The following TBCA variants were observed in gnomAD, a reference collection of about 807,000 sequenced individuals.
TBCA encodes the protein tubulin folding cofactor A.
TBCA carries 6 observed loss-of-function variants against 15.8 expected under a neutral mutation model. The ratio of observed to expected loss-of-function variants is 0.38; its 90% confidence interval spans 0.21 to 0.75. The LOEUF (loss-of-function observed/expected upper bound fraction) is 0.75, where lower values mean the gene tolerates loss of function less well. TBCA is among the 30% of genes least tolerant of loss of function. The pLI, the probability that TBCA is intolerant of heterozygous loss-of-function variation, is 0.46. For missense variants in TBCA, 90 were observed against 131.2 expected, an observed-to-expected ratio of 0.69 and a Z score of 1.53; for synonymous variants, 32 against 42.3, an observed-to-expected ratio of 0.76 and a Z score of 0.94.
At chr5:77,712,950 G>C (rs1233365923) in intron 1 of TBCA, among the ~76,000 whole-genome samples, 1 of 152,122 alleles carries the variant, frequency 6.6e-6, no homozygotes, top group East Asian at 1.9e-4. Context: ...CTGTCCAGTA[G>C]TCTTTTTCTC....
At chr5:77,720,418 A>G (rs908682185) in intron 1 of TBCA, among the ~76,000 whole-genome samples, 1 of 152,114 alleles carries the variant, frequency 6.6e-6, no homozygotes, top group African/African-American at 2.4e-5. Flanking sequence ...TTACACTTCT[A>G]AAAAAGCCAA....
In TBCA at chr5:77,751,975, GTGGTACCAAGATCATC is replaced by G. The variant is rs1561280804; in HGVS notation, c.53+24214_53+24229del. Among the ~76,000 whole-genome samples the G allele has an allele frequency of 1.2e-4, 18 of 152,230 alleles. No homozygotes were observed. The South Asian group carries it at 3.5e-3, about 30-fold the overall frequency. On this transcript the variant is annotated intron_variant, in intron 1 of 3. Coordinates refer to ENST00000380377, the MANE Select transcript of TBCA (RefSeq NM_004607.3). Reference sequence around the variant, plus strand: ...CAGATGAGCCAGTTTATTGATCTGGGTGGTACCAAGATCATCTGGTCCAATAGGCTGGTTGCAAGAA... The same window carrying G: ...CAGATGAGCCAGTTTATTGATCTGGGTGGTCCAATAGGCTGGTTGCAAGAA...
intron 1 of TBCA, among the ~76,000 whole-genome samples, chr5:77,722,632 A>G (rs1043640708): frequency 3.9e-5 from 6 of 151,934 alleles, no homozygotes; most frequent in Non-Finnish European, 4.4e-5. Context: ...TTCCCAAACT[A>G]ATTCGAGCAC....
At chr5:77,772,699 C>A (rs1186994009) in intron 1 of TBCA, among the ~76,000 whole-genome samples, 1 of 152,030 alleles carries the variant, frequency 6.6e-6, no homozygotes, top group Non-Finnish European at 1.5e-5. Context: ...GGAAGCTATA[C>A]CCCAAAATGT....
intron 1 of TBCA, among the ~76,000 whole-genome samples, chr5:77,722,942 TAAATA>T (rs1746557824): frequency 6.6e-6 from 1 of 151,800 alleles, no homozygotes; most frequent in African/African-American, 2.4e-5. Context: ...AGTATAATAT[TAAATA>T]AAACAACAAG....
chr5:77,694,015 G>A (rs1745818274), intron 2 of TBCA, among the ~76,000 whole-genome samples: 1 of 152,004 alleles, frequency 6.6e-6, no homozygotes, highest in Non-Finnish European at 1.5e-5. Flanking sequence ...TCTAAAATGG[G>A]ATCAGCTGGT....
chr5:77,758,738 G>GT (rs2112503602), intron 1 of TBCA, among the ~76,000 whole-genome samples: 1 of 152,274 alleles, frequency 6.6e-6, no homozygotes, highest in East Asian at 1.9e-4. Context: ...TTAGGAAGTT[G>GT]TATGTATGCC....
intron 1 of TBCA, among the ~76,000 whole-genome samples, chr5:77,776,001 G>C (rs1333168716): frequency 6.6e-6 from 1 of 152,314 alleles, no homozygotes; most frequent in Non-Finnish European, 1.5e-5. Context: ...GGAGAGGGAC[G>C]GGAAGCGGCG....
intron 2 of TBCA, among the ~76,000 whole-genome samples, chr5:77,694,653 T>A (rs1745833454): frequency 6.6e-6 from 1 of 152,180 alleles, no homozygotes; most frequent in South Asian, 2.1e-4. Flanking sequence ...CAAATACCTT[T>A]AAAGAAATAG....
intron 2 of TBCA, among the ~76,000 whole-genome samples, chr5:77,701,092 T>C (rs918206122): frequency 6.6e-6 from 1 of 152,094 alleles, no homozygotes; most frequent in Non-Finnish European, 1.5e-5. Flanking sequence ...AGCTTTTGCA[T>C]GGCAAAAGGA....
intron 1 of TBCA, among the ~76,000 whole-genome samples, chr5:77,757,148 G>C (rs1343996404): frequency 4.6e-5 from 7 of 152,242 alleles, no homozygotes; most frequent in Middle Eastern, 3.4e-3. Flanking sequence ...GACCACGTCA[G>C]GTAGAGTTGG....
At chr5:77,719,437 A>G (rs1746479684) in intron 1 of TBCA, among the ~76,000 whole-genome samples, 1 of 152,186 alleles carries the variant, frequency 6.6e-6, no homozygotes, top group Admixed American at 6.5e-5. Context: ...CCAGCCACTC[A>G]GTTCCCACCA....
At chr5:77,712,955 T>C (rs1258511417) in intron 1 of TBCA, among the ~76,000 whole-genome samples, 1 of 152,162 alleles carries the variant, frequency 6.6e-6, no homozygotes, top group Non-Finnish European at 1.5e-5. Context: ...CAGTAGTCTT[T>C]TTCTCTCAAC....
chr5:77,711,397 A>G (rs1746275242), intron 1 of TBCA, among the ~76,000 whole-genome samples: 1 of 152,142 alleles, frequency 6.6e-6, no homozygotes, highest in Admixed American at 6.5e-5. Context: ...TCACCTACTT[A>G]ATTATATCAG....
In TBCA at chr5:77,692,897, T is replaced by C. The variant is rs575755016; in HGVS notation, c.246+369A>G. The C allele has an allele frequency of 3.8e-4, 454 of 1,190,158 alleles. 4 individuals are homozygous for C. The highest frequency in any genetic ancestry group is 1.8e-4 in the Non-Finnish European group (174 of 960,174). 73.7% of individuals were successfully genotyped at this position (1,190,158 alleles called of 1,614,324 possible). ...CCTTTTAATAAGATCCCAAATTCTT[T>C]TGAAACATTAGATCTTTTAAAATTT... On this transcript the variant is annotated intron_variant, in intron 3 of 3. Transcript: ENST00000380377.
chr5:77,701,362 A>G (rs181874889), intron 2 of TBCA, among the ~76,000 whole-genome samples: 151 of 152,176 alleles, frequency 9.9e-4, no homozygotes, highest in African/African-American at 3.3e-3. Context: ...CAATGCAATA[A>G]CCACCTTATT....
intron 1 of TBCA, among the ~76,000 whole-genome samples, chr5:77,761,515 G>C (rs460767): frequency 0.62 from 93,609 of 151,254 alleles, 29,024 homozygotes; most frequent in African/African-American, 0.64. Flanking sequence ...CCACAGGGAC[G>C]TCTGCCTAGG....
chr5:77,771,745 C>T (rs962908220), intron 1 of TBCA, among the ~76,000 whole-genome samples: 1 of 152,176 alleles, frequency 6.6e-6, no homozygotes, highest in African/African-American at 2.4e-5. Context: ...CCTGCCTGTC[C>T]ACATTTCTTC....
intron 1 of TBCA, among the ~76,000 whole-genome samples, chr5:77,734,009 T>C (rs1351518882): frequency 2.0e-5 from 3 of 152,222 alleles, no homozygotes; most frequent in Admixed American, 2.0e-4. Context: ...CTGCCTGTGC[T>C]CTATAAATGA....
Sources: allele counts gnomAD v4.1 joint callset (sites outside exome capture counted in the v4.1 genomes callset), GRCh38; gene constraint gnomAD v4.1.1; transcripts MANE v1.5; gene names NCBI Gene and HGNC (gene_info 2026-07-23, HGNC 2026-07-21).